STOM: variants seen among roughly 807,000 people sequenced by gnomAD.
STOM encodes the protein stomatin.
STOM carries 25 observed loss-of-function variants against 30.6 expected under a neutral mutation model. The observed-to-expected ratio is 0.82, with a 90% CI of 0.60 to 1.14. The LOEUF (loss-of-function observed/expected upper bound fraction) is 1.14, where lower values mean the gene tolerates loss of function less well. Ranked by LOEUF, STOM falls within the 50% of genes most tolerant of loss-of-function variation. The pLI is 0.00. For missense variants in STOM, 292 were observed against 365.2 expected (o/e 0.80, Z 1.63); for synonymous variants, 118 against 130.8 (o/e 0.90, Z 0.67).
chr9:121,368,944 A>C (rs1053569596), intron 1 of STOM, among the ~76,000 whole-genome samples: 5 of 152,078 alleles, frequency 3.3e-5, no homozygotes, highest in African/African-American at 1.2e-4. Context: ...AAAAAAAAAA[A>C]AAAAGTGATA....
intron 6 of STOM, among the ~76,000 whole-genome samples, chr9:121,343,340 C>T (rs2134021185): frequency 6.6e-6 from 1 of 152,270 alleles, no homozygotes; most frequent in East Asian, 1.9e-4. Context: ...CATTCACTCA[C>T]ACAGCAAAAT....
At chr9:121,346,510 T>C (rs2064291285) in intron 6 of STOM, among the ~76,000 whole-genome samples, 1 of 152,234 alleles carries the variant, frequency 6.6e-6, no homozygotes, top group Non-Finnish European at 1.5e-5. Context: ...TTCTACGTAG[T>C]ATATGTATGG....
At chr9:121,344,296 T>C (rs1439423846) in intron 6 of STOM, among the ~76,000 whole-genome samples, 2 of 152,236 alleles carry the variant, frequency 1.3e-5, no homozygotes, top group Admixed American at 1.3e-4. Context: ...TCCCCTGCTA[T>C]GAGAGCAGCA....
In STOM at chr9:121,356,131, A is replaced by G. The variant is rs779929351; in HGVS notation, c.87T>C (p.Pro29=). The change falls in exon 2 of 7, where the codon CCT becomes CCC. Residue 29 remains proline, a synonymous_variant. Coordinates refer to ENST00000286713, the MANE Select transcript of STOM (RefSeq NM_004099.6). ...AGAACGCCACCAAAATCCATCCGCA[A>G]GGTCCAAGGCCCTTACTGGGGCTGT... is the stretch of plus-strand genomic sequence containing the variant. ...FKDSPSKGLG[P]CGWILVAFSF... is the part of the protein sequence containing the mutation. 1 of 1,614,184 alleles carries G rather than the reference A, an allele frequency of 6.2e-7. No individual in the cohort carries two copies. The highest frequency in any genetic ancestry group is 1.1e-5 in the South Asian group (1 of 91,064).
At chr9:121,343,474 T>C (rs1363135418) in intron 6 of STOM, among the ~76,000 whole-genome samples, 1 of 152,198 alleles carries the variant, frequency 6.6e-6, no homozygotes, top group Non-Finnish European at 1.5e-5. Flanking sequence ...CATTTCATTC[T>C]AGTGTGATAA....
intron 1 of STOM, chr9:121,366,164 T>A: frequency 1.0e-6 from 1 of 985,408 alleles, no homozygotes; most frequent in Non-Finnish European, 1.2e-6. Flanking sequence ...GTTTTCATTG[T>A]CTGAGACTTT....
Position 121,339,419 on chromosome 9 carries a change from G to A in STOM, c.*1783C>T. 3 of 685,262 alleles carry A rather than the reference G, an allele frequency of 4.4e-6. No homozygotes were observed. Among genetic ancestry groups the A allele is most frequent in the Non-Finnish European group, 2.0e-6 (1 of 495,616 alleles). 42.4% of individuals were successfully genotyped at this position (685,262 alleles called of 1,614,324 possible). ...AAATGTAAGTGCAACTTGAGTTTAA[G>A]TTGCACTGCTCCATACCTCTAATAA... On this transcript the variant is annotated 3_prime_UTR_variant, in exon 7 of 7. Coordinates refer to ENST00000286713, the MANE Select transcript of STOM (RefSeq NM_004099.6).
chr9:121,364,745 G>C (rs1350818979), intron 1 of STOM, among the ~76,000 whole-genome samples: 1 of 152,152 alleles, frequency 6.6e-6, no homozygotes, highest in Non-Finnish European at 1.5e-5. Context: ...AAAAATAGGT[G>C]AGAGCAACAG....
intron 1 of STOM, among the ~76,000 whole-genome samples, chr9:121,367,056 G>C (rs868116551): frequency 7.9e-5 from 12 of 152,110 alleles, no homozygotes; most frequent in Admixed American, 1.3e-4. Flanking sequence ...CTGGGCAACA[G>C]AGCAAGACCC....
chr9:121,341,231 T>C lies in STOM; in HGVS notation c.838A>G (p.Ile280Val), dbSNP rs189686926. ...CCTAGATGGCTGTGTTTTGCCCCTA[T>C]GATTCCTTGCAGCATATCTATGGGC... ...PLPIDMLQGI[I>V]GAKHSHLG Residue 280 changes from isoleucine to valine, a missense_variant, in exon 7 of 7, where the codon ATA becomes GTA. Physicochemically the swap from Ile to Val is conservative, Grantham distance 29. Transcript: ENST00000286713. 14 of 1,614,174 alleles carry C rather than the reference T, an allele frequency of 8.7e-6. No individual in the cohort carries two copies. The East Asian group carries it at 2.9e-4, about 33-fold the overall frequency.
chr9:121,356,021 C>A, intron 2 of STOM, 32 bp downstream of exon 2: 3 of 1,586,274 alleles, frequency 1.9e-6, no homozygotes, highest in South Asian at 1.1e-5. Context: ...AGGAGTTGAC[C>A]CCTTCCCAGA....
At chr9:121,354,079 C>T (rs1332823504) in intron 3 of STOM, among the ~76,000 whole-genome samples, 1 of 152,152 alleles carries the variant, frequency 6.6e-6, no homozygotes, top group Admixed American at 6.5e-5. Context: ...CCCTTGAATT[C>T]CCAGAACCTG....
intron 1 of STOM, among the ~76,000 whole-genome samples, chr9:121,362,236 G>T (rs394572): frequency 0.19 from 28,578 of 152,060 alleles, 2,902 homozygotes; most frequent in Admixed American, 0.3. Flanking sequence ...AATTAGAAAT[G>T]ATAGCTCAAC....
In STOM at chr9:121,349,287, C is replaced by A; in HGVS notation, c.358G>T (p.Gly120Cys). The change falls in exon 5 of 7, where the codon GGT becomes TGT. Residue 120 changes from glycine to cysteine, a missense_variant. Coordinates refer to ENST00000286713, the MANE Select transcript of STOM (RefSeq NM_004099.6). Reference protein sequence around the residue: ...TKDSVTISVDGVVYYRVQNAT... With the variant: ...TKDSVTISVDCVVYYRVQNAT... ...TTCTGAACGCGGTAATAGACCACAC[C>A]ATCCACGCTAATTGTCACTGAATCC... is the stretch of plus-strand genomic sequence containing the variant. 1 of 1,614,126 alleles carries A rather than the reference C, an allele frequency of 6.2e-7. No homozygotes were observed. Among genetic ancestry groups the A allele is most frequent in the South Asian group, 1.1e-5 (1 of 91,076 alleles).
intron 1 of STOM, among the ~76,000 whole-genome samples, chr9:121,362,613 G>A (rs969826837): frequency 3.3e-5 from 5 of 152,104 alleles, no homozygotes; most frequent in Admixed American, 6.5e-5. Flanking sequence ...CATTCTGAAG[G>A]TATCTTTTGT....
chr9:121,367,453 A>C (rs1564633924), intron 1 of STOM, among the ~76,000 whole-genome samples: 1 of 152,212 alleles, frequency 6.6e-6, no homozygotes, highest in Non-Finnish European at 1.5e-5. Context: ...ATGACCACTG[A>C]TGGAATAACT....
chr9:121,361,810 C>A (rs1026988972), intron 1 of STOM, among the ~76,000 whole-genome samples: 3 of 152,104 alleles, frequency 2.0e-5, no homozygotes, highest in Non-Finnish European at 4.4e-5. Flanking sequence ...GCACCAGGGA[C>A]CAGTTTCGTG....
intron 6 of STOM, among the ~76,000 whole-genome samples, chr9:121,346,332 T>A (rs1212939359): frequency 6.6e-6 from 1 of 152,184 alleles, no homozygotes; most frequent in Non-Finnish European, 1.5e-5. Context: ...AGTTGAGGGT[T>A]GTTACCCAGA....
At chr9:121,363,270 T>C (rs2064471237) in intron 1 of STOM, among the ~76,000 whole-genome samples, 1 of 152,222 alleles carries the variant, frequency 6.6e-6, no homozygotes, top group African/African-American at 2.4e-5. Flanking sequence ...GCTGGAAGTT[T>C]AGTCTCAAAA....
Sources: gnomAD v4.1 joint callset for allele counts (sites outside exome capture counted in the v4.1 genomes callset) on GRCh38, gnomAD v4.1.1 for gene constraint, MANE v1.5 for transcripts, NCBI Gene and HGNC (gene_info 2026-07-23, HGNC 2026-07-21) for gene names.